The following PREX2 variants were observed in gnomAD, a reference collection of about 807,000 sequenced individuals.
PREX2 encodes the protein phosphatidylinositol 3,4,5-trisphosphate-dependent Rac exchanger 2 protein.
In PREX2, 107 loss-of-function variants were observed where a neutral mutation model predicts 203.2. The observed-to-expected ratio is 0.53, with a 90% CI of 0.45 to 0.62. PREX2 has a LOEUF of 0.62. Among genes scored for constraint, PREX2 ranks in the 20% least tolerant of loss-of-function variants. The pLI is 0.00. For missense variants in PREX2, 1,777 were observed against 1,955.9 expected, an observed-to-expected ratio of 0.91 and a Z score of 1.72; for synonymous variants, 672 against 663.6, an observed-to-expected ratio of 1.01 and a Z score of -0.19.
At chr8:68,011,800 C>G (rs1807272178) in intron 1 of PREX2, among the ~76,000 whole-genome samples, 1 of 152,078 alleles carries the variant, frequency 6.6e-6, no homozygotes, top group Admixed American at 6.6e-5. Context: ...ATTTTGTAGG[C>G]TGAGCTGTGA....
At chr8:68,146,065 ATGTCGAATCCCAAC>A in intron 33 of PREX2, 130 bp from the exon 34 acceptor site, 1 of 584,152 alleles carries the variant, frequency 1.7e-6, no homozygotes, top group Non-Finnish European at 3.0e-6. Flanking sequence ...ATAGCACTGT[ATGTCGAATCCCAAC>A]TTGATAAACA....
intron 1 of PREX2, among the ~76,000 whole-genome samples, chr8:67,991,554 G>A (rs552029231): frequency 5.5e-4 from 83 of 152,240 alleles, no homozygotes; most frequent in African/African-American, 1.6e-3. Flanking sequence ...GGGAAGAGCC[G>A]CGTATAAAAT....
intron 39 of PREX2, among the ~76,000 whole-genome samples, chr8:68,227,138 G>T (rs1407990853): frequency 5.3e-5 from 8 of 152,162 alleles, no homozygotes; most frequent in Non-Finnish European, 1.2e-4. Context: ...TTGAATTTTA[G>T]AATTTATCTC....
intron 14 of PREX2, among the ~76,000 whole-genome samples, chr8:68,077,083 A>T (rs1160532415): frequency 6.6e-6 from 1 of 152,238 alleles, no homozygotes; most frequent in Non-Finnish European, 1.5e-5. Flanking sequence ...TATAAAATCT[A>T]AGAAATCTAA....
At chr8:68,138,594 T>C in intron 33 of PREX2, 77 bp downstream of exon 33, 1 of 647,754 alleles carries the variant, frequency 1.5e-6, no homozygotes, top group South Asian at 2.4e-5. Flanking sequence ...TTAATATATT[T>C]GATAAGTATT....
rs2129610719 is a variant in PREX2 at position 68,038,237 on chromosome 8, G to A, written c.784G>A (p.Glu262Lys). The change falls in exon 7 of 40, where the codon GAA becomes AAA. Residue 262 changes from glutamate to lysine, a missense_variant. Coordinates refer to ENST00000288368, the MANE Select transcript of PREX2 (RefSeq NM_024870.4). ...GAAAATTTCTTCTGGAAATATTCAAGAACGGGTGTTTTTTCTTTTCGATAA... is the reference window on the plus strand; with the variant it reads ...GAAAATTTCTTCTGGAAATATTCAAAAACGGGTGTTTTTTCTTTTCGATAA... ...LLKISSGNIQ[E>K]RVFFLFDNLL... 6.2e-7 allele frequency: 1 copy of A among 1,613,808 alleles called. No individual in the cohort carries two copies. Among genetic ancestry groups the A allele is most frequent in the East Asian group, 2.2e-5 (1 of 44,838 alleles).
intron 17 of PREX2, among the ~76,000 whole-genome samples, chr8:68,081,088 CA>C (rs1313805770): frequency 1.3e-5 from 2 of 152,222 alleles, no homozygotes; most frequent in East Asian, 3.9e-4. Context: ...CAGCCGTCCC[CA>C]ACCTTCTTGG....
intron 5 of PREX2, among the ~76,000 whole-genome samples, chr8:68,028,623 A>T (rs1807798193): frequency 6.6e-6 from 1 of 152,048 alleles, no homozygotes. Flanking sequence ...AGAGGCTGAC[A>T]CAGGAGTCCC....
chr8:68,007,090 C>G (rs1807119230), intron 1 of PREX2, among the ~76,000 whole-genome samples: 1 of 152,168 alleles, frequency 6.6e-6, no homozygotes, highest in South Asian at 2.1e-4. Context: ...AAGCCAATAT[C>G]CATAGAAATG....
intron 23 of PREX2, chr8:68,102,923 G>A: frequency 1.9e-6 from 1 of 517,916 alleles, no homozygotes; most frequent in Non-Finnish European, 3.9e-6. Context: ...AGGATTTGGG[G>A]ACAATTCGGA....
At chr8:68,045,146 G>T (rs1238172438) in intron 8 of PREX2, among the ~76,000 whole-genome samples, 1 of 151,682 alleles carries the variant, frequency 6.6e-6, no homozygotes, top group Non-Finnish European at 1.5e-5. Context: ...TTGAAAGTGT[G>T]GGATTTAATA....
At chr8:68,210,787 T>C (rs567496513) in intron 37 of PREX2, among the ~76,000 whole-genome samples, 1 of 152,318 alleles carries the variant, frequency 6.6e-6, no homozygotes, top group Admixed American at 6.5e-5. Flanking sequence ...AATGACCAAC[T>C]GTAGGAGGCC....
At chr8:67,966,044 G>A (rs1367405911) in intron 1 of PREX2, among the ~76,000 whole-genome samples, 2 of 151,978 alleles carry the variant, frequency 1.3e-5, no homozygotes, top group Non-Finnish European at 2.9e-5. Context: ...TTCTACTTAT[G>A]GTTTACTTCA....
intron 35 of PREX2, among the ~76,000 whole-genome samples, chr8:68,162,134 G>A (rs1363953321): frequency 6.6e-6 from 1 of 152,118 alleles, no homozygotes; most frequent in African/African-American, 2.4e-5. Context: ...GGGGATTATG[G>A]GAGCTAGAAT....
Position 68,139,537 on chromosome 8 carries a change from A to G in PREX2, c.4087+1020A>G, listed in dbSNP as rs371269155. ...TGACATTGAACTGATGAATTACGGG[A>G]TGTGTGTTCCATATTAAAAGGCTGT... On this transcript the variant is annotated intron_variant, in intron 33 of 39. Transcript: ENST00000288368. Among the ~76,000 whole-genome samples the G allele has an allele frequency of 1.4e-4, 21 of 152,246 alleles. 1 individual carries two copies. The South Asian group carries it at 4.4e-3, about 32-fold the overall frequency.
At chr8:68,171,838 AAG>A (rs1485934186) in intron 35 of PREX2, among the ~76,000 whole-genome samples, 2 of 152,226 alleles carry the variant, frequency 1.3e-5, no homozygotes, top group Non-Finnish European at 2.9e-5. Flanking sequence ...GAGAGGGAGA[AAG>A]AGAATATTAA....
chr8:67,975,262 C>T (rs1403471915), intron 1 of PREX2, among the ~76,000 whole-genome samples: 2 of 140,250 alleles, frequency 1.4e-5, no homozygotes, highest in Non-Finnish European at 3.0e-5. Flanking sequence ...ATGTTACCTG[C>T]ACACGGCCTG....
intron 30 of PREX2, among the ~76,000 whole-genome samples, chr8:68,123,315 A>G (rs1035351721): frequency 6.6e-6 from 1 of 152,094 alleles, no homozygotes; most frequent in African/African-American, 2.4e-5. Context: ...ACCTAACACC[A>G]CAACCAAAAG....
At chr8:68,120,712 T>C (rs1810754532) in intron 29 of PREX2, among the ~76,000 whole-genome samples, 1 of 152,156 alleles carries the variant, frequency 6.6e-6, no homozygotes, top group Non-Finnish European at 1.5e-5. Flanking sequence ...AGAGTTTTCA[T>C]CTAAATTTGC....
Sources: gnomAD v4.1 joint callset for allele counts (sites outside exome capture counted in the v4.1 genomes callset) on GRCh38, gnomAD v4.1.1 for gene constraint, MANE v1.5 for transcripts, NCBI Gene and HGNC (gene_info 2026-07-23, HGNC 2026-07-21) for gene names.